HTRA1: variants seen among roughly 807,000 people sequenced by gnomAD.
The protein encoded by HTRA1 is serine protease HTRA1.
In HTRA1, 26 loss-of-function variants were observed where a neutral mutation model predicts 49.7. The ratio of observed to expected loss-of-function variants is 0.52; its 90% CI spans 0.38 to 0.73. HTRA1 has a LOEUF of 0.73. HTRA1 is among the 30% of genes least tolerant of loss of function. HTRA1 has a pLI of 0.00. For synonymous variants in HTRA1, 291 were observed against 286.9 expected (o/e 1.01, Z -0.14); for missense variants, 561 against 667.2 (o/e 0.84, Z 1.75).
chr10:122,479,133 C>T (rs746972849), intron 1 of HTRA1, among the ~76,000 whole-genome samples: 5 of 152,310 alleles, frequency 3.3e-5, no homozygotes, highest in East Asian at 1.9e-4. Flanking sequence ...ATTAGCTCTA[C>T]GTATCAACTC....
intron 3 of HTRA1, among the ~76,000 whole-genome samples, chr10:122,495,645 T>A (rs898913060): frequency 2.0e-5 from 3 of 152,186 alleles, no homozygotes; most frequent in African/African-American, 7.2e-5. Flanking sequence ...GCTATATTTT[T>A]CTCTTAATAT....
At chr10:122,481,553 A>G (rs943325181) in intron 1 of HTRA1, among the ~76,000 whole-genome samples, 2 of 152,216 alleles carry the variant, frequency 1.3e-5, no homozygotes, top group Admixed American at 6.5e-5. Flanking sequence ...TTTGCTGTCT[A>G]TCCACCTCTG....
At chr10:122,484,274 T>C (rs1427190817) in intron 1 of HTRA1, among the ~76,000 whole-genome samples, 1 of 152,172 alleles carries the variant, frequency 6.6e-6, no homozygotes, top group Non-Finnish European at 1.5e-5. Context: ...CTTCGTCAGG[T>C]TTAAGAGCTC....
chr10:122,482,681 T>A (rs900633946), intron 1 of HTRA1, among the ~76,000 whole-genome samples: 17 of 152,020 alleles, frequency 1.1e-4, no homozygotes, highest in African/African-American at 3.9e-4. Context: ...GCACTTTGGG[T>A]GGCTGAGGCA....
rs539259133 is a variant in HTRA1, at chr10:122,487,602, G to A, written c.473-1300G>A. Among the ~76,000 whole-genome samples, 72 of 152,256 alleles carry A rather than the reference G, an allele frequency of 4.7e-4. No individual in the cohort carries two copies. The highest frequency in any genetic ancestry group is 1.6e-3 in the African/African-American group (67 of 41,530). ...TGGGGCCACTCACTGTAATATAAAC[G>A]GTCATGCATCACTGAGCAACAGGGA... On this transcript the variant is annotated intron_variant, in intron 1 of 8. Coordinates refer to ENST00000368984, the MANE Select transcript of HTRA1 (RefSeq NM_002775.5). This position sits in a 1 kb window ranked among gnomAD's most constrained non-coding sequence, Gnocchi z 4.8.
intron 1 of HTRA1, among the ~76,000 whole-genome samples, chr10:122,471,923 CTTCTCCCTAA>C (rs1259166132): frequency 6.6e-6 from 1 of 152,228 alleles, no homozygotes; most frequent in Non-Finnish European, 1.5e-5. Flanking sequence ...CTTCTCCCTA[CTTCTCCCTAA>C]AATAATTTCC....
chr10:122,461,741 C>A lies in HTRA1; in HGVS notation c.89C>A (p.Ser30Ter), dbSNP rs1180928381. 1 of 1,151,796 alleles carries A rather than the reference C, an allele frequency of 8.7e-7. No individual in the cohort carries two copies. Among genetic ancestry groups the A allele is most frequent in the Non-Finnish European group, 1.1e-6 (1 of 930,142 alleles). The allele number at this position is 1,151,796 out of a possible 1,614,324, so 71.3% of individuals were successfully genotyped here. A position where few individuals can be genotyped will look rare whatever the true frequency, so the allele number is the denominator to read the frequency against. Reference protein sequence around the residue: ...ASAQLSRAGRSAPLAAGCPDR... With the variant: ...ASAQLSRAGR ...GCGCAGCTGTCCCGGGCCGGCCGCT[C>A]GGCGCCTTTGGCCGCCGGGTGCCCA... Residue 30 changes from serine to a stop codon, truncating the protein, a stop_gained, in exon 1 of 9, where the codon TCG (serine) becomes TAG (stop). Transcript: ENST00000368984. LOFTEE classifies it high-confidence loss of function.
chr10:122,480,823 A>C lies in HTRA1; in HGVS notation c.473-8079A>C, dbSNP rs111504188. Among the ~76,000 whole-genome samples, 772 of 152,276 alleles carry C rather than the reference A, an allele frequency of 5.1e-3. 11 individuals carry two copies. The highest frequency in any genetic ancestry group is 0.017 in the African/African-American group (715 of 41,564). ...CCCTCTTCAAGAAAAACACCCCTCA[A>C]AATTATGAATATAACATTAGGTATG... On this transcript the variant is annotated intron_variant, in intron 1 of 8. Transcript: ENST00000368984.
At chr10:122,484,450 C>T (rs571545336) in intron 1 of HTRA1, among the ~76,000 whole-genome samples, 20 of 152,278 alleles carry the variant, frequency 1.3e-4, no homozygotes, top group Middle Eastern at 3.4e-3. Flanking sequence ...AGTGACATGA[C>T]GACGTCGTTA....
intron 1 of HTRA1, among the ~76,000 whole-genome samples, chr10:122,482,921 A>C (rs952274745): frequency 2.9e-3 from 302 of 103,534 alleles, no homozygotes; most frequent in Non-Finnish European, 5.1e-3. Flanking sequence ...CTGTCTCAAA[A>C]AAAAAAAAAA....
intron 5 of HTRA1, 39 bp from the exon 6 acceptor site, chr10:122,508,617 C>T (rs1269575780): frequency 1.1e-5 from 15 of 1,308,518 alleles, no homozygotes; most frequent in Non-Finnish European, 1.7e-5. Context: ...GCCGGTAAAG[C>T]TTCACGATTC....
intron 3 of HTRA1, among the ~76,000 whole-genome samples, chr10:122,501,199 G>A (rs1174819378): frequency 6.6e-6 from 1 of 152,188 alleles, no homozygotes. Flanking sequence ...ACCTGGCAGA[G>A]CGGGAGAAGC....
Position 122,461,633 on chromosome 10 carries a change from C to T in HTRA1, c.-20C>T. The T allele has an allele frequency of 7.7e-7, 1 of 1,296,018 alleles. No homozygotes were observed. Among genetic ancestry groups the T allele is most frequent in the African/African-American group, 1.6e-5 (1 of 62,540 alleles). The allele number at this position is 1,296,018 out of a possible 1,614,324, so 80.3% of individuals were successfully genotyped here. ...GCCCTCGCCCTGTCCGCCGCCACCG[C>T]CGCCGCCGCCAGAGTCGCCATGCAG... is the stretch of plus-strand genomic sequence containing the variant. On this transcript the variant is annotated 5_prime_UTR_variant, in exon 1 of 9. Coordinates refer to ENST00000368984, the MANE Select transcript of HTRA1 (RefSeq NM_002775.5).
chr10:122,505,409 G>T (rs191013505), intron 3 of HTRA1, among the ~76,000 whole-genome samples: 1 of 152,104 alleles, frequency 6.6e-6, no homozygotes, highest in East Asian at 1.9e-4. Context: ...GTGTGTTGGG[G>T]GATATTTGTG....
At chr10:122,508,377 C>A (rs552257361) in intron 5 of HTRA1, among the ~76,000 whole-genome samples, 64 of 152,210 alleles carry the variant, frequency 4.2e-4, no homozygotes, top group Non-Finnish European at 7.9e-4. Context: ...GAAACAGGAG[C>A]AAATCATATC....
At chr10:122,488,279 G>A (rs1473320203) in intron 1 of HTRA1, among the ~76,000 whole-genome samples, 1 of 152,108 alleles carries the variant, frequency 6.6e-6, no homozygotes, top group Non-Finnish European at 1.5e-5. Context: ...ATCAAAAAGG[G>A]ACCCTTGGCT....
intron 1 of HTRA1, among the ~76,000 whole-genome samples, chr10:122,476,800 C>T (rs957947828): frequency 2.6e-5 from 4 of 152,084 alleles, no homozygotes; most frequent in Non-Finnish European, 5.9e-5. Context: ...CATTCGCTCT[C>T]CCCCGCCTCT....
chr10:122,498,618 G>C (rs930502697), intron 3 of HTRA1, among the ~76,000 whole-genome samples: 5 of 151,970 alleles, frequency 3.3e-5, no homozygotes, highest in Non-Finnish European at 7.4e-5. Flanking sequence ...AATATCAATG[G>C]GCCATTGCTT....
At chr10:122,514,080 C>T (rs1298618292) in intron 8 of HTRA1, 111 bp from the exon 9 acceptor site, 1 of 1,084,454 alleles carries the variant, frequency 9.2e-7, no homozygotes, top group East Asian at 2.4e-5. Context: ...ACCGTCCAAT[C>T]CTGTTTGCTC....
Sources: allele counts gnomAD v4.1 joint callset (sites outside exome capture counted in the v4.1 genomes callset), GRCh38; gene constraint gnomAD v4.1.1; non-coding constraint Gnocchi (gnomAD v3.1); transcripts MANE v1.5; gene names NCBI Gene and HGNC (gene_info 2026-07-23, HGNC 2026-07-21).